Variants in SIPA1L1 observed in about 807,000 individuals in gnomAD.
The protein encoded by SIPA1L1 is signal-induced proliferation-associated 1-like protein 1.
In SIPA1L1, 26 loss-of-function variants were observed where a neutral mutation model predicts 162.7. That is an observed-to-expected ratio of 0.16 (90% CI 0.12 to 0.22). SIPA1L1 has a LOEUF of 0.22. Ranked by LOEUF, SIPA1L1 falls within the 10% of genes least tolerant of loss-of-function variation. The pLI is 1.00. For synonymous variants in SIPA1L1, 829 were observed against 837.4 expected, an observed-to-expected ratio of 0.99 and a Z score of 0.17; for missense variants, 1,874 against 2,241.0, an observed-to-expected ratio of 0.84 and a Z score of 3.31.
At chr14:71,350,702 A>T (rs1566919127) in intron 2 of SIPA1L1, among the ~76,000 whole-genome samples, 1 of 152,224 alleles carries the variant, frequency 6.6e-6, no homozygotes, top group Non-Finnish European at 1.5e-5. Flanking sequence ...TAAGTCCCCC[A>T]GAGGGACTTA....
intron 2 of SIPA1L1, among the ~76,000 whole-genome samples, chr14:71,374,611 G>T (rs1437679714): frequency 6.6e-6 from 1 of 151,196 alleles, no homozygotes; most frequent in Non-Finnish European, 1.5e-5. Flanking sequence ...TAAATTGTAA[G>T]TAAATAGTAA....
chr14:71,488,953 G>C (rs1407800884), intron 2 of SIPA1L1, among the ~76,000 whole-genome samples: 1 of 152,156 alleles, frequency 6.6e-6, no homozygotes, highest in South Asian at 2.1e-4. Flanking sequence ...TAAATTCCAG[G>C]CTCCTCAGCT....
chr14:71,477,546 GC>G lies in SIPA1L1; in HGVS notation c.-464-35194del, dbSNP rs1474272690. ...TTAACAGATGGCGTCTCGCCGTGTT[GC>G]CCGGGCTGGTCTCAAATTCCTGGGC... On this transcript the variant is annotated intron_variant, in intron 2 of 23. Transcript: ENST00000381232. Among the ~76,000 whole-genome samples, 19 of 152,052 alleles carry G rather than the reference GC, an allele frequency of 1.2e-4. 1 individual carries two copies. The highest frequency in any genetic ancestry group is 3.6e-4 in the African/African-American group (15 of 41,404).
chr14:71,361,004 A>G (rs886888390), intron 2 of SIPA1L1, among the ~76,000 whole-genome samples: 5 of 152,160 alleles, frequency 3.3e-5, no homozygotes, highest in African/African-American at 1.2e-4. Context: ...TGATTTGTAT[A>G]TATAGTTTAT....
chr14:71,598,482 T>C (rs1333456443), intron 5 of SIPA1L1, among the ~76,000 whole-genome samples: 1 of 152,216 alleles, frequency 6.6e-6, no homozygotes, highest in African/African-American at 2.4e-5. Flanking sequence ...TGTAGTCCTC[T>C]TGCCCAAGAG....
At chr14:71,481,517 G>C (rs553629817) in intron 2 of SIPA1L1, among the ~76,000 whole-genome samples, 1 of 149,922 alleles carries the variant, frequency 6.7e-6, no homozygotes, top group South Asian at 2.1e-4. Flanking sequence ...AACAACAACA[G>C]CAAAAAAAAA....
chr14:71,634,333 C>T (rs1300281486), intron 7 of SIPA1L1, among the ~76,000 whole-genome samples: 13 of 146,804 alleles, frequency 8.9e-5, no homozygotes, highest in African/African-American at 2.0e-4. Context: ...ACCCAGGAGA[C>T]GGAGGTTGTA....
At chr14:71,500,796 C>A (rs547984323) in intron 2 of SIPA1L1, among the ~76,000 whole-genome samples, 3 of 152,106 alleles carry the variant, frequency 2.0e-5, no homozygotes, top group African/African-American at 7.2e-5. Context: ...CACCTGAGAT[C>A]GGGAGTTTGA....
At chr14:71,412,671 T>C (rs970335952) in intron 2 of SIPA1L1, among the ~76,000 whole-genome samples, 4 of 152,194 alleles carry the variant, frequency 2.6e-5, no homozygotes, top group Non-Finnish European at 5.9e-5. Flanking sequence ...TCAGTAGGAA[T>C]TGGGAATATC....
intron 2 of SIPA1L1, among the ~76,000 whole-genome samples, chr14:71,334,003 T>G (rs1055360852): frequency 1.3e-5 from 2 of 151,958 alleles, no homozygotes; most frequent in Non-Finnish European, 2.9e-5. Flanking sequence ...GACACCGAGG[T>G]GTTTAGCCTG....
intron 7 of SIPA1L1, among the ~76,000 whole-genome samples, chr14:71,642,506 G>A (rs1044170083): frequency 1.3e-5 from 2 of 152,184 alleles, no homozygotes; most frequent in Non-Finnish European, 2.9e-5. Context: ...ATTATCCTTA[G>A]ACTAAACACT....
At chr14:71,592,097 G>C (rs1225244107) in intron 5 of SIPA1L1, among the ~76,000 whole-genome samples, 1 of 152,332 alleles carries the variant, frequency 6.6e-6, no homozygotes, top group East Asian at 1.9e-4. Context: ...CCACTAGACT[G>C]CTAGTGCCAT....
chr14:71,640,322 G>C (rs756388878), intron 7 of SIPA1L1, among the ~76,000 whole-genome samples: 1 of 152,084 alleles, frequency 6.6e-6, no homozygotes, highest in Admixed American at 6.5e-5. Context: ...CTTCAGCTTG[G>C]TTAAGAATTC....
intron 2 of SIPA1L1, among the ~76,000 whole-genome samples, chr14:71,452,730 T>A (rs957228437): frequency 6.6e-6 from 1 of 152,132 alleles, no homozygotes; most frequent in Non-Finnish European, 1.5e-5. Flanking sequence ...GCCATTCTGG[T>A]GGGTATGAAG....
intron 22 of SIPA1L1, among the ~76,000 whole-genome samples, chr14:71,736,908 A>G (rs181899844): frequency 2.0e-5 from 3 of 152,364 alleles, no homozygotes; most frequent in Non-Finnish European, 4.4e-5. Flanking sequence ...GATGAGCTGC[A>G]GTGGCTTTGC....
intron 4 of SIPA1L1, among the ~76,000 whole-genome samples, chr14:71,562,634 T>A (rs2056887639): frequency 6.6e-6 from 1 of 152,220 alleles, no homozygotes; most frequent in African/African-American, 2.4e-5. Context: ...CTGCTGGTTT[T>A]TATTTCATGT....
At chr14:71,580,788 AT>A (rs1235584325) in intron 4 of SIPA1L1, among the ~76,000 whole-genome samples, 1 of 152,150 alleles carries the variant, frequency 6.6e-6, no homozygotes, top group African/African-American at 2.4e-5. Context: ...CCCAGATCAT[AT>A]TTTATATTTT....
chr14:71,420,858 A>G (rs571426040), intron 2 of SIPA1L1, among the ~76,000 whole-genome samples: 83 of 152,254 alleles, frequency 5.5e-4, no homozygotes, highest in Middle Eastern at 3.4e-3. Flanking sequence ...CAAACTTACT[A>G]TGTACTCTAG....
intron 12 of SIPA1L1, among the ~76,000 whole-genome samples, chr14:71,674,966 C>A (rs28564960): frequency 1.3e-5 from 2 of 152,230 alleles, no homozygotes; most frequent in African/African-American, 4.8e-5. Flanking sequence ...TGAACTGCCA[C>A]GTTGTGTGCT....
Sources: gnomAD v4.1 joint callset for allele counts (sites outside exome capture counted in the v4.1 genomes callset) on GRCh38, gnomAD v4.1.1 for gene constraint, MANE v1.5 for transcripts, NCBI Gene and HGNC (gene_info 2026-07-23, HGNC 2026-07-21) for gene names.